CLIC5: variants seen among roughly 807,000 people sequenced by gnomAD.
CLIC5 encodes chloride intracellular channel protein 5.
A neutral mutation model predicts 24.7 loss-of-function variants in CLIC5; 20 were observed. The observed-to-expected ratio is 0.81, with a 90% CI of 0.57 to 1.18. CLIC5 has a LOEUF of 1.18. CLIC5 is among the 50% of genes most tolerant of loss of function. The pLI is 0.00. For synonymous variants in CLIC5, 159 were observed against 135.6 expected (o/e 1.17, Z -1.20); for missense variants, 341 against 326.1 (o/e 1.05, Z -0.35).
intron 3 of CLIC5, among the ~76,000 whole-genome samples, chr6:45,946,201 C>G (rs1764283613): frequency 1.3e-5 from 2 of 152,176 alleles, no homozygotes; most frequent in African/African-American, 4.8e-5. Flanking sequence ...GTGCTGAATC[C>G]TAGAAACTTT....
intron 1 of CLIC5, among the ~76,000 whole-genome samples, chr6:45,979,818 T>C (rs1294003802): frequency 6.6e-6 from 1 of 150,918 alleles, no homozygotes; most frequent in Non-Finnish European, 1.5e-5. Flanking sequence ...AAATATTTTC[T>C]CCCGTTCTGT....
At chr6:45,964,979 A>G (rs981641708) in intron 1 of CLIC5, among the ~76,000 whole-genome samples, 2 of 152,198 alleles carry the variant, frequency 1.3e-5, no homozygotes, top group Non-Finnish European at 2.9e-5. Flanking sequence ...ATGGCCGCAG[A>G]AGGCAAACAT....
intron 1 of CLIC5, among the ~76,000 whole-genome samples, chr6:46,028,133 C>G (rs1767393376): frequency 6.6e-6 from 1 of 152,246 alleles, no homozygotes; most frequent in Non-Finnish European, 1.5e-5. Context: ...AGTCAAACTG[C>G]TGACCTAAGC....
intron 1 of CLIC5, among the ~76,000 whole-genome samples, chr6:45,996,994 C>T (rs1037939048): frequency 9.9e-5 from 15 of 152,156 alleles, no homozygotes; most frequent in Middle Eastern, 6.8e-3. Flanking sequence ...CCCAGCCATC[C>T]CATTACTGGG....
chr6:45,990,379 C>T (rs1561987945), intron 1 of CLIC5, among the ~76,000 whole-genome samples: 1 of 152,144 alleles, frequency 6.6e-6, no homozygotes, highest in East Asian at 1.9e-4. Context: ...CTGAACGAAA[C>T]AAAGAATCCT....
the CLIC5 span, among the ~76,000 whole-genome samples, chr6:46,128,488 C>G: frequency 6.6e-6 from 1 of 152,192 alleles, no homozygotes; most frequent in Non-Finnish European, 1.5e-5. Context: ...TTGGCCTTAC[C>G]CTGACTATTG....
Position 45,973,240 on chromosome 6 carries a change from T to C in CLIC5, c.64-17996A>G, listed in dbSNP as rs114031841. On this transcript the variant is annotated intron_variant, in intron 1 of 5. Coordinates refer to ENST00000339561, the MANE Select transcript of CLIC5 (RefSeq NM_016929.5). ...TCGGACCCTACCTCCAGGGGTTAAG[T>C]TATGGAAACATGACATGGCTGGGTT... Among the ~76,000 whole-genome samples the C allele has an allele frequency of 2.3e-3, 344 of 152,200 alleles. 2 individuals are homozygous for C. Among genetic ancestry groups the C allele is most frequent in the African/African-American group, 7.8e-3 (322 of 41,534 alleles).
chr6:45,974,497 GTATATATA>G (rs1554154071), intron 1 of CLIC5, among the ~76,000 whole-genome samples: 1 of 76,174 alleles, frequency 1.3e-5, no homozygotes, highest in African/African-American at 4.6e-5. Context: ...GTGTGTGTGT[GTATATATA>G]TATATATATA....
intron 3 of CLIC5, among the ~76,000 whole-genome samples, chr6:45,943,530 T>C (rs527481208): frequency 6.6e-6 from 1 of 152,354 alleles, no homozygotes; most frequent in South Asian, 2.1e-4. Context: ...GAATCCAGCA[T>C]GCTATTAGAA....
intron 2 of CLIC5, among the ~76,000 whole-genome samples, 187 bp from the exon 3 acceptor site, chr6:45,949,568 A>G (rs533641689): frequency 1.9e-4 from 29 of 152,320 alleles, no homozygotes; most frequent in Admixed American, 3.9e-4. Flanking sequence ...GGTGTGACCC[A>G]GGAAGTGTGT....
chr6:46,118,785 A>G, the CLIC5 span, among the ~76,000 whole-genome samples: 1 of 152,216 alleles, frequency 6.6e-6, no homozygotes, highest in East Asian at 1.9e-4. Flanking sequence ...GCCAGACATT[A>G]ATAGTCACCC....
At position 45,949,376 on chromosome 6, in the gene CLIC5, G is replaced by A. The variant is rs561818462; in HGVS notation, c.179C>T (p.Pro60Leu). The change falls in exon 3 of 6, where the codon CCA (proline) becomes CTA (leucine). Residue 60 changes from proline (P) to leucine (L), a missense_variant. Coordinates refer to ENST00000339561, the MANE Select transcript of CLIC5 (RefSeq NM_016929.5). ...GGGGGCTAGGTTGTGCAGGTCAGCT[G>A]GCTTTCTGTAGAGAGAGCAAGATTC... ...NVTTVDLKRK[P>L]ADLHNLAPGT... 1.2e-6 allele frequency: 2 copies of A among 1,613,278 alleles called. No homozygotes were observed. The highest frequency in any genetic ancestry group is 2.7e-5 in the African/African-American group (2 of 75,000).
chr6:46,007,702 G>C (rs1766637704), intron 1 of CLIC5, among the ~76,000 whole-genome samples: 2 of 152,130 alleles, frequency 1.3e-5, no homozygotes, highest in African/African-American at 4.8e-5. Context: ...CAAAGTGTTA[G>C]ATTGGGAACT....
intron 1 of CLIC5, among the ~76,000 whole-genome samples, chr6:46,008,340 CT>C (rs995233662): frequency 9.2e-5 from 14 of 152,334 alleles, no homozygotes; most frequent in Non-Finnish European, 8.8e-5. Flanking sequence ...TTTTGGCCAC[CT>C]CTGAATCCTG....
At chr6:45,924,356 G>A (rs918520920) in intron 4 of CLIC5, among the ~76,000 whole-genome samples, 4 of 152,276 alleles carry the variant, frequency 2.6e-5, no homozygotes, top group African/African-American at 9.6e-5. Context: ...CCCCAGATAT[G>A]CTACAAGTAC....
intron 1 of CLIC5, among the ~76,000 whole-genome samples, chr6:46,006,021 CATGTATAAATATATAT>C (rs60593933): frequency 6.5e-4 from 86 of 132,742 alleles, no homozygotes; most frequent in African/African-American, 2.2e-3. Flanking sequence ...TATATACACA[CATGTATAAATATATAT>C]ACATGTATAA....
At chr6:46,099,170 C>T in the CLIC5 span, among the ~76,000 whole-genome samples, 2 of 152,322 alleles carry the variant, frequency 1.3e-5, no homozygotes, top group South Asian at 2.1e-4. Context: ...GGTTGTCCCA[C>T]TGAATCCTAA....
At chr6:45,935,984 A>G (rs1763916826) in intron 4 of CLIC5, among the ~76,000 whole-genome samples, 1 of 151,900 alleles carries the variant, frequency 6.6e-6, no homozygotes, top group Non-Finnish European at 1.5e-5. Context: ...TGCCCTCCCC[A>G]CTACCCCCGA....
the CLIC5 span, among the ~76,000 whole-genome samples, chr6:46,129,049 T>G: frequency 6.6e-6 from 1 of 152,232 alleles, no homozygotes; most frequent in Non-Finnish European, 1.5e-5. Context: ...ATTAAATACT[T>G]AACACTTGAG....
Sources: allele counts gnomAD v4.1 joint callset (sites outside exome capture counted in the v4.1 genomes callset), GRCh38; gene constraint gnomAD v4.1.1; transcripts MANE v1.5; gene names NCBI Gene and HGNC (gene_info 2026-07-23, HGNC 2026-07-21).